SLC24A4: variants seen among roughly 807,000 people sequenced by gnomAD.
The protein encoded by SLC24A4 is sodium/potassium/calcium exchanger 4.
In SLC24A4, 53 loss-of-function variants were observed where a neutral mutation model predicts 79.0. The observed-to-expected ratio is 0.67, with a 90% CI of 0.54 to 0.84. The LOEUF (loss-of-function observed/expected upper bound fraction) is 0.84. Ranked by LOEUF, SLC24A4 falls within the 40% of genes least tolerant of loss-of-function variation. The probability of loss-of-function intolerance (pLI) is 0.00; values close to 1 mark genes in which losing one functional copy is unlikely to be tolerated. For synonymous variants in SLC24A4, 323 were observed against 323.8 expected, an observed-to-expected ratio of 1.00 and a Z score of 0.03; for missense variants, 731 against 822.0, an observed-to-expected ratio of 0.89 and a Z score of 1.35.
chr14:92,427,271 A>G (rs1398638243), intron 2 of SLC24A4, among the ~76,000 whole-genome samples: 3 of 152,236 alleles, frequency 2.0e-5, no homozygotes, highest in Non-Finnish European at 4.4e-5. Context: ...CATTCACTCC[A>G]TAGGCATTTC....
intron 2 of SLC24A4, among the ~76,000 whole-genome samples, chr14:92,381,077 C>T (rs1888817969): frequency 6.6e-6 from 1 of 152,186 alleles, no homozygotes; most frequent in Non-Finnish European, 1.5e-5. Context: ...AATCCCATTA[C>T]TAGGTATATG....
At chr14:92,459,779 G>A (rs1006146742) in intron 12 of SLC24A4, among the ~76,000 whole-genome samples, 4 of 152,128 alleles carry the variant, frequency 2.6e-5, no homozygotes, top group Non-Finnish European at 5.9e-5. Context: ...TAGGAAAATT[G>A]AGGCCCGGGG....
intron 2 of SLC24A4, among the ~76,000 whole-genome samples, chr14:92,351,868 AGAAAGAAAAAAG>A (rs1466533172): frequency 1.1e-4 from 16 of 151,238 alleles, no homozygotes; most frequent in Non-Finnish European, 4.4e-5. Context: ...TGTCTAAAAA[AGAAAGAAAAAAG>A]GAAAGAAGGA....
intron 12 of SLC24A4, among the ~76,000 whole-genome samples, chr14:92,471,475 G>A (rs1894438881): frequency 6.6e-6 from 1 of 152,222 alleles, no homozygotes; most frequent in Admixed American, 6.5e-5. Context: ...TCAAGGAAAA[G>A]AGAGTTCTGT....
chr14:92,408,466 G>C (rs1032105696), intron 2 of SLC24A4: 1 of 979,956 alleles, frequency 1.0e-6, no homozygotes, highest in African/African-American at 1.8e-5. Flanking sequence ...AGCCTTCATA[G>C]GTGGGCTGAT....
intron 2 of SLC24A4, among the ~76,000 whole-genome samples, chr14:92,400,580 G>A (rs556528089): frequency 2.0e-5 from 3 of 152,196 alleles, no homozygotes; most frequent in African/African-American, 4.8e-5. Context: ...GCAGGACTAC[G>A]GTTCTTTTTA....
intron 3 of SLC24A4, among the ~76,000 whole-genome samples, chr14:92,436,353 G>GT (rs1371879108): frequency 2.0e-5 from 3 of 152,094 alleles, no homozygotes; most frequent in Admixed American, 6.5e-5. Flanking sequence ...TCTATGGCTC[G>GT]TTTTTGTTTC....
At chr14:92,452,196 C>T (rs994186334) in intron 10 of SLC24A4, 10 of 152,328 alleles carry the variant, frequency 6.6e-5, no homozygotes, top group African/African-American at 2.4e-4. Context: ...TGGCTCTTGT[C>T]TCACAGACTC....
intron 2 of SLC24A4, among the ~76,000 whole-genome samples, chr14:92,418,751 G>C (rs1891120640): frequency 6.6e-6 from 1 of 152,126 alleles, no homozygotes; most frequent in Non-Finnish European, 1.5e-5. Flanking sequence ...CCCCAGGCTG[G>C]AGTGCAGTGG....
At chr14:92,360,718 C>G (rs935876775) in intron 2 of SLC24A4, among the ~76,000 whole-genome samples, 9 of 152,190 alleles carry the variant, frequency 5.9e-5, no homozygotes, top group African/African-American at 2.2e-4. Context: ...AGAAGAGAGG[C>G]TTAATGACGC....
chr14:92,426,182 G>A (rs1384976081), intron 2 of SLC24A4, among the ~76,000 whole-genome samples: 2 of 152,120 alleles, frequency 1.3e-5, no homozygotes, highest in African/African-American at 2.4e-5. Context: ...GAATACCTGA[G>A]GCTGGGTAAT....
intron 11 of SLC24A4, 121 bp downstream of exon 11, chr14:92,454,190 C>G (rs1439597986): frequency 5.0e-6 from 5 of 1,000,382 alleles, no homozygotes; most frequent in Non-Finnish European, 7.2e-6. Context: ...GCCCTGGGGC[C>G]TCCAGAAGCC....
rs138568799 is a variant in SLC24A4 at position 92,391,427 on chromosome 14, C to G, written c.242-42485C>G. 2.0e-5 allele frequency among the ~76,000 whole-genome samples: 3 copies of G among 152,320 alleles called. No homozygotes were observed. In the East Asian group the frequency reaches 5.8e-4, roughly 29 times the overall value. On this transcript the variant is annotated intron_variant, in intron 2 of 16. Coordinates refer to ENST00000532405, the MANE Select transcript of SLC24A4 (RefSeq NM_153646.4). ...ACACTGGGTTTCCCTAAAGTCTGCT[C>G]CAGCACCCATCATGCATTGCTATTG... is the stretch of plus-strand genomic sequence containing the variant.
chr14:92,452,507 A>G (rs1254196476), intron 10 of SLC24A4: 2 of 152,146 alleles, frequency 1.3e-5, no homozygotes, highest in African/African-American at 4.8e-5. Flanking sequence ...CCCGCTAATA[A>G]CACTCTCCAG....
intron 2 of SLC24A4, among the ~76,000 whole-genome samples, chr14:92,343,653 T>TTCCCTTCCTTCCTTCC (rs58733128): frequency 2.9e-5 from 1 of 34,214 alleles, no homozygotes; most frequent in African/African-American, 7.3e-5. Flanking sequence ...TCTTTCCTTC[T>TTCCCTTCCTTCCTTCC]TTCCTTCCTT....
chr14:92,488,019 C>T (rs1352443968), intron 14 of SLC24A4, among the ~76,000 whole-genome samples: 1 of 145,164 alleles, frequency 6.9e-6, no homozygotes, highest in Non-Finnish European at 1.5e-5. Context: ...CCTTTTCCTC[C>T]TCCTCCCCTT....
At chr14:92,432,648 A>C (rs1400482180) in intron 2 of SLC24A4, among the ~76,000 whole-genome samples, 1 of 152,228 alleles carries the variant, frequency 6.6e-6, no homozygotes, top group Non-Finnish European at 1.5e-5. Context: ...ATTACAAAAA[A>C]AGAGAGAGAT....
chr14:92,371,078 A>G (rs902736124), intron 2 of SLC24A4, among the ~76,000 whole-genome samples: 5 of 152,256 alleles, frequency 3.3e-5, no homozygotes, highest in Non-Finnish European at 7.3e-5. Context: ...CTTTCCTTCT[A>G]ATAAAAAGCA....
intron 2 of SLC24A4, among the ~76,000 whole-genome samples, chr14:92,428,373 G>A (rs1239875673): frequency 6.6e-6 from 1 of 152,188 alleles, no homozygotes; most frequent in Non-Finnish European, 1.5e-5. Flanking sequence ...AGTAGGACTG[G>A]GCTGTATGAC....
Sources: allele counts gnomAD v4.1 joint callset (sites outside exome capture counted in the v4.1 genomes callset), GRCh38; gene constraint gnomAD v4.1.1; transcripts MANE v1.5; gene names NCBI Gene and HGNC (gene_info 2026-07-23, HGNC 2026-07-21).